NEK1: variants seen among roughly 807,000 people sequenced by gnomAD.
NEK1 encodes serine/threonine-protein kinase Nek1.
NEK1 carries 137 observed loss-of-function variants against 182.1 expected under a neutral mutation model. The ratio of observed to expected loss-of-function variants is 0.75; its 90% CI spans 0.65 to 0.87. The LOEUF is 0.87. NEK1 is among the 40% of genes least tolerant of loss of function. NEK1 has a pLI of 0.00. For missense variants in NEK1, 1,391 were observed against 1,494.4 expected (o/e 0.93, Z 1.14); for synonymous variants, 513 against 492.2 (o/e 1.04, Z -0.56).
chr4:169,513,809 T>A (rs1177049053), intron 19 of NEK1, among the ~76,000 whole-genome samples: 1 of 152,152 alleles, frequency 6.6e-6, no homozygotes, highest in East Asian at 1.9e-4. Flanking sequence ...AAAGATTTTC[T>A]GTATCAATTG....
At chr4:169,440,848 A>G (rs1176876812) in intron 27 of NEK1, among the ~76,000 whole-genome samples, 1 of 152,186 alleles carries the variant, frequency 6.6e-6, no homozygotes, top group African/African-American at 2.4e-5. Flanking sequence ...ATTATTCTAG[A>G]GAGGAAGTTT....
chr4:169,607,753 G>A (rs962082823), intron 2 of NEK1, among the ~76,000 whole-genome samples: 2 of 152,066 alleles, frequency 1.3e-5, no homozygotes, highest in Admixed American at 1.3e-4. Context: ...GTGAGCCACC[G>A]CGCCTGGCCT....
intron 26 of NEK1, among the ~76,000 whole-genome samples, chr4:169,467,214 AG>A (rs1745094813): frequency 6.6e-6 from 1 of 152,156 alleles, no homozygotes; most frequent in South Asian, 2.1e-4. Flanking sequence ...GTTATTGATA[AG>A]GCTTCTGGTC....
chr4:169,505,701 T>A (rs960252519), intron 23 of NEK1, among the ~76,000 whole-genome samples: 2 of 152,256 alleles, frequency 1.3e-5, no homozygotes, highest in African/African-American at 4.8e-5. Context: ...CTGTTGTTAC[T>A]ATGATGTATA....
intron 23 of NEK1, among the ~76,000 whole-genome samples, chr4:169,487,339 A>G (rs984617188): frequency 2.0e-5 from 3 of 152,064 alleles, no homozygotes; most frequent in Non-Finnish European, 4.4e-5. Context: ...AAAAGCCCCA[A>G]TGTGTGTTGT....
chr4:169,569,816 T>G (rs1397550030), intron 12 of NEK1, among the ~76,000 whole-genome samples: 2 of 152,032 alleles, frequency 1.3e-5, no homozygotes, highest in Non-Finnish European at 2.9e-5. Flanking sequence ...CAGGCTGGAG[T>G]GCAGTGTCGT....
intron 29 of NEK1, among the ~76,000 whole-genome samples, chr4:169,428,116 C>T (rs1736721676): frequency 6.6e-6 from 1 of 151,906 alleles, no homozygotes; most frequent in Admixed American, 6.6e-5. Flanking sequence ...GCCACTTTCC[C>T]CAGTCAAGCA....
intron 26 of NEK1, among the ~76,000 whole-genome samples, chr4:169,466,502 A>G (rs1032347145): frequency 3.3e-5 from 5 of 152,090 alleles, no homozygotes; most frequent in Non-Finnish European, 7.4e-5. Flanking sequence ...ATGACAGTGG[A>G]GCAGCATCAT....
intron 18 of NEK1, 79 bp from the exon 19 acceptor site, chr4:169,537,990 T>C (rs1048943846): frequency 2.0e-4 from 196 of 970,864 alleles, no homozygotes; most frequent in Non-Finnish European, 2.0e-4. Flanking sequence ...TTATCCTAAA[T>C]TTTTTTTTCA....
Position 169,400,347 on chromosome 4 carries a change from T to G in NEK1, c.3725A>C (p.Glu1242Ala), listed in dbSNP as rs1472961780. ...AATTTCAATATTTTCATCTTCATCT[T>G]CATGAATAGCCTATACCAAATTCCC... ...EVYEKIKAIH[E>A]DEDENIEICS... The change falls in exon 35 of 36, where the codon GAA becomes GCA. Residue 1242 changes from glutamate (E) to alanine (A), a missense_variant. Physicochemically the swap from Glu to Ala is moderately radical, Grantham distance 107. This residue lies in a region of NEK1 where 1,216 missense variants were observed against 1,277.6 expected (regional missense o/e 0.95). Transcript: ENST00000507142. 2.0e-6 allele frequency: 3 copies of G among 1,520,770 alleles called. No individual in the cohort carries two copies. The highest frequency in any genetic ancestry group is 2.5e-5 in the South Asian group (2 of 80,712). The allele number at this position is 1,520,770 out of a possible 1,614,324, so 94.2% of individuals were successfully genotyped here. A position where few individuals can be genotyped will look rare whatever the true frequency, so the allele number is the denominator to read the frequency against.
In NEK1 at chr4:169,557,241, G is replaced by A. The variant is rs182491535; in HGVS notation, c.1267-1146C>T. ...AATGAAAAAGTAACTGCTGAAGGAA[G>A]TTTGGATTCTCTGCAGGAATGACAA... On this transcript the variant is annotated intron_variant, in intron 16 of 35. Transcript: ENST00000507142. Among the ~76,000 whole-genome samples the A allele has an allele frequency of 7.9e-5, 12 of 152,112 alleles. No individual in the cohort carries two copies. The East Asian group carries it at 2.3e-3, about 30-fold the overall frequency.
At chr4:169,449,516 C>T (rs908392803) in intron 27 of NEK1, among the ~76,000 whole-genome samples, 1 of 152,190 alleles carries the variant, frequency 6.6e-6, no homozygotes, top group African/African-American at 2.4e-5. Context: ...CTGCAGCCTC[C>T]ACTGGTGGTA....
At chr4:169,608,764 G>A (rs1335779759) in intron 2 of NEK1, among the ~76,000 whole-genome samples, 6 of 151,972 alleles carry the variant, frequency 3.9e-5, no homozygotes, top group East Asian at 1.9e-4. Flanking sequence ...CCTGTAAAAC[G>A]ATATACAATT....
chr4:169,474,090 A>C (rs1374550679), intron 26 of NEK1, among the ~76,000 whole-genome samples: 1 of 152,102 alleles, frequency 6.6e-6, no homozygotes, highest in Non-Finnish European at 1.5e-5. Flanking sequence ...AAAAAAAGAG[A>C]AGCAGCCACA....
chr4:169,407,741 G>A lies in NEK1; in HGVS notation c.3223-994C>T, dbSNP rs536671104. ...TGAGATTTGAAACATGACTACTAAG[G>A]CACTGATAAGAACTCTTCACCAGAT... On this transcript the variant is annotated intron_variant, in intron 31 of 35. Transcript: ENST00000507142. Among the ~76,000 whole-genome samples, 7 of 152,254 alleles carry A rather than the reference G, an allele frequency of 4.6e-5. No homozygotes were observed. The East Asian group carries it at 1.2e-3, about 25-fold the overall frequency.
intron 10 of NEK1, among the ~76,000 whole-genome samples, chr4:169,582,231 T>C (rs1766768501): frequency 6.7e-6 from 1 of 148,496 alleles, no homozygotes; most frequent in Admixed American, 6.6e-5. Flanking sequence ...GACACTCCAA[T>C]AGGCAAAAAA....
At position 169,476,652 on chromosome 4, in the gene NEK1, A is replaced by C. The variant is rs754732549; in HGVS notation, c.2434+472T>G. Among the ~76,000 whole-genome samples the C allele has an allele frequency of 3.3e-5, 5 of 152,096 alleles. No individual in the cohort carries two copies. The South Asian group carries it at 1.0e-3, about 31-fold the overall frequency. On this transcript the variant is annotated intron_variant, in intron 26 of 35. Transcript: ENST00000507142. ...GCACATATGTTTCTGTTTTGTTCCTATATCTCCAATTCCTAGAACAATGTA... is the reference window on the plus strand; with the variant it reads ...GCACATATGTTTCTGTTTTGTTCCTCTATCTCCAATTCCTAGAACAATGTA...
intron 18 of NEK1, among the ~76,000 whole-genome samples, chr4:169,550,994 G>A (rs971522317): frequency 1.2e-4 from 18 of 152,084 alleles, no homozygotes; most frequent in African/African-American, 2.7e-4. Flanking sequence ...TCGCAAATAC[G>A]GAATCCACAA....
intron 12 of NEK1, among the ~76,000 whole-genome samples, chr4:169,573,190 G>A (rs779379647): frequency 1.3e-5 from 2 of 152,180 alleles, no homozygotes; most frequent in Non-Finnish European, 2.9e-5. Context: ...AAAGTAAAAC[G>A]AAGAAAGGTA....
Sources: allele counts gnomAD v4.1 joint callset (sites outside exome capture counted in the v4.1 genomes callset), GRCh38; gene constraint gnomAD v4.1.1; regional missense constraint gnomAD v4.1.1; transcripts MANE v1.5; gene names NCBI Gene and HGNC (gene_info 2026-07-23, HGNC 2026-07-21).